GLRA2: variants seen among roughly 807,000 people sequenced by gnomAD.
GLRA2 encodes the protein glycine receptor alpha 2, also known as glycine receptor subunit alpha-2.
A neutral mutation model predicts 31.6 loss-of-function variants in GLRA2; 11 were observed. The ratio of observed to expected loss-of-function variants is 0.35; its 90% confidence interval spans 0.22 to 0.58. The LOEUF (loss-of-function observed/expected upper bound fraction) is 0.58. Among genes scored for constraint, GLRA2 ranks in the 20% least tolerant of loss-of-function variants. The pLI is 0.84. For missense variants in GLRA2, 212 were observed against 351.8 expected (o/e 0.60, Z 3.18); for synonymous variants, 132 against 134.0 (o/e 0.99, Z 0.10).
intron 3 of GLRA2, among the ~76,000 whole-genome samples, chrX:14,576,893 C>T (rs2089964337): frequency 8.9e-6 from 1 of 112,758 alleles, no homozygotes; most frequent in Non-Finnish European, 1.9e-5. Flanking sequence ...GTATATTGTG[C>T]TTCTTTTGTT....
At chrX:14,460,728 G>A in the GLRA2 span, among the ~76,000 whole-genome samples, 5 of 111,491 alleles carry the variant, frequency 4.5e-5, no homozygotes, top group Non-Finnish European at 9.4e-5. Flanking sequence ...TTTTTATTGT[G>A]TCTATTTGAT....
chrX:14,512,761 T>C, the GLRA2 span, among the ~76,000 whole-genome samples: 1 of 111,568 alleles, frequency 9.0e-6, no homozygotes, highest in African/African-American at 3.3e-5. Context: ...AAAGAAATCA[T>C]AGATGACACA....
intron 7 of GLRA2, among the ~76,000 whole-genome samples, chrX:14,684,937 A>G (rs1375464081): frequency 9.0e-6 from 1 of 110,797 alleles, no homozygotes; most frequent in East Asian, 2.8e-4. Context: ...ATTCAGTATG[A>G]TATTAGCTGT....
At chrX:14,649,300 A>T (rs1226547225) in intron 7 of GLRA2, among the ~76,000 whole-genome samples, 6 of 111,467 alleles carry the variant, frequency 5.4e-5, no homozygotes, top group Non-Finnish European at 9.4e-5. Context: ...TAAAATATAC[A>T]TCTACACAGA....
chrX:14,519,945 C>A, the GLRA2 span, among the ~76,000 whole-genome samples: 1 of 112,200 alleles, frequency 8.9e-6, no homozygotes, highest in Non-Finnish European at 1.9e-5. Context: ...AATGAGTTAG[C>A]ATCTATATTA....
chrX:14,483,050 G>T, the GLRA2 span, among the ~76,000 whole-genome samples: 1 of 111,441 alleles, frequency 9.0e-6, no homozygotes, highest in African/African-American at 3.3e-5. Context: ...TTTAAAGCAT[G>T]CAACAAACAT....
At chrX:14,585,531 T>C (rs1000537864) in intron 4 of GLRA2, among the ~76,000 whole-genome samples, 4 of 111,260 alleles carry the variant, frequency 3.6e-5, no homozygotes, top group African/African-American at 1.3e-4. Context: ...CAGCTGCAGG[T>C]TTGACTCAAA....
chrX:14,687,173 G>T (rs187576146), intron 7 of GLRA2, among the ~76,000 whole-genome samples: 5 of 112,299 alleles, frequency 4.5e-5, no homozygotes. Context: ...CAAGAGATCT[G>T]CTGTTAGTCT....
intron 8 of GLRA2, among the ~76,000 whole-genome samples, chrX:14,726,734 T>C (rs762107031): frequency 3.6e-5 from 4 of 112,620 alleles, no homozygotes; most frequent in African/African-American, 1.3e-4. Context: ...ATTCACAGTA[T>C]GTGATGAAAG....
rs764349309 is a variant in GLRA2 at position 14,530,131 on chromosome X, T to C, written c.68+6T>C. ...TTAGAGACAAACCACTTCAGGTAGG[T>C]GAAACGACTTTGCATGTTGATATTT... On this transcript the variant is annotated splice_donor_region_variant and intron_variant, in intron 1 of 8. Transcript: ENST00000218075. 3 of 1,109,672 alleles carry C rather than the reference T, an allele frequency of 2.7e-6. No homozygotes were observed. Among genetic ancestry groups the C allele is most frequent in the Non-Finnish European group, 3.7e-6 (3 of 802,609 alleles). 91.4% of individuals were successfully genotyped at this position (1,109,672 alleles called of 1,213,427 possible).
At chrX:14,590,127 T>C (rs1010795185) in intron 4 of GLRA2, among the ~76,000 whole-genome samples, 2 of 111,744 alleles carry the variant, frequency 1.8e-5, no homozygotes. Context: ...CTAAAACTTA[T>C]TGGCACCTAA....
At chrX:14,473,294 A>G in the GLRA2 span, among the ~76,000 whole-genome samples, 1 of 111,886 alleles carries the variant, frequency 8.9e-6, no homozygotes, top group Non-Finnish European at 1.9e-5. Flanking sequence ...TGTGGTTTAA[A>G]AAGAAAACCA....
At chrX:14,515,327 C>A in the GLRA2 span, among the ~76,000 whole-genome samples, 5 of 111,852 alleles carry the variant, frequency 4.5e-5, no homozygotes, top group Non-Finnish European at 9.4e-5. Flanking sequence ...TTAAGTTTCA[C>A]GTTCAGTACA....
chrX:14,702,506 T>C (rs2091558527), intron 8 of GLRA2, among the ~76,000 whole-genome samples: 1 of 112,473 alleles, frequency 8.9e-6, no homozygotes. Context: ...ATGTATATTA[T>C]AAACTTACCA....
chrX:14,582,962 TATAAG>T (rs1321113092), intron 4 of GLRA2, among the ~76,000 whole-genome samples: 2 of 112,166 alleles, frequency 1.8e-5, no homozygotes, highest in Non-Finnish European at 3.8e-5. Flanking sequence ...CAACCCTTGA[TATAAG>T]ATATATTAAA....
chrX:14,457,029 G>T, the GLRA2 span, among the ~76,000 whole-genome samples: 1 of 111,571 alleles, frequency 9.0e-6, no homozygotes, highest in Non-Finnish European at 1.9e-5. Context: ...TTGTTATTTT[G>T]TGTCTTCTTG....
intron 7 of GLRA2, among the ~76,000 whole-genome samples, chrX:14,670,817 C>T (rs7892013): frequency 0.026 from 2,877 of 111,299 alleles, 65 homozygotes; most frequent in African/African-American, 0.074. Flanking sequence ...TTTGTACTTT[C>T]GTAATATCCA....
chrX:14,711,777 G>A (rs1488752562), intron 8 of GLRA2, among the ~76,000 whole-genome samples: 3 of 112,670 alleles, frequency 2.7e-5, no homozygotes, highest in South Asian at 3.6e-4. Flanking sequence ...GTTAGTGGCA[G>A]AGCCAAGATT....
the GLRA2 span, among the ~76,000 whole-genome samples, chrX:14,505,331 C>A: frequency 8.9e-6 from 1 of 112,077 alleles, no homozygotes; most frequent in African/African-American, 3.2e-5. Context: ...GATAGGTAGA[C>A]CAACCCTTCT....
Sources: allele counts gnomAD v4.1 joint callset (sites outside exome capture counted in the v4.1 genomes callset), GRCh38; gene constraint gnomAD v4.1.1; transcripts MANE v1.5; gene names NCBI Gene and HGNC (gene_info 2026-07-23, HGNC 2026-07-21).